Variants in PCDH15 observed in about 807,000 individuals in gnomAD.
PCDH15 encodes the protein protocadherin related 15.
A neutral mutation model predicts 178.5 loss-of-function variants in PCDH15; 129 were observed. The observed-to-expected ratio is 0.72, with a 90% CI of 0.63 to 0.84. The LOEUF (loss-of-function observed/expected upper bound fraction) is 0.84, where lower values mean the gene tolerates loss of function less well. PCDH15 is among the 40% of genes least tolerant of loss of function. The pLI is 0.00. For missense variants in PCDH15, 2,230 were observed against 2,099.9 expected (o/e 1.06, Z -1.21); for synonymous variants, 800 against 732.0 (o/e 1.09, Z -1.50).
chr10:54,921,759 T>A (rs920871401), intron 2 of PCDH15, among the ~76,000 whole-genome samples: 1 of 152,130 alleles, frequency 6.6e-6, no homozygotes, highest in Non-Finnish European at 1.5e-5. Flanking sequence ...AGAACTGGCA[T>A]AAAAAAACTA....
Position 55,548,179 on chromosome 10 carries a change from G to T in PCDH15, c.-156+79446C>A, listed in dbSNP as rs187623462. On this transcript the variant is annotated intron_variant, in intron 2 of 5. Coordinates refer to the PCDH15 transcript ENST00000613346. ...GGTCATCATGGAGCAGAAACGAACT[G>T]CTCCTGCCAAACCCTCTCTAAATGC... Among the ~76,000 whole-genome samples, 96 of 147,740 alleles carry T rather than the reference G, an allele frequency of 6.5e-4. 1 individual carries two copies. Among genetic ancestry groups the T allele is most frequent in the Non-Finnish European group, 1.9e-4 (13 of 67,260 alleles).
At chr10:55,273,580 A>G (rs1046030760) in intron 1 of PCDH15, among the ~76,000 whole-genome samples, 1 of 152,030 alleles carries the variant, frequency 6.6e-6, no homozygotes, top group Non-Finnish European at 1.5e-5. Context: ...TAACATTTCT[A>G]TATATAGATA....
intron 15 of PCDH15, among the ~76,000 whole-genome samples, chr10:54,109,682 A>G (rs1454485506): frequency 6.6e-6 from 1 of 152,220 alleles, no homozygotes; most frequent in Non-Finnish European, 1.5e-5. Context: ...GATGGTTCCC[A>G]AAGGCAGGGA....
chr10:55,505,297 C>T (rs2050317), intron 2 of PCDH15, among the ~76,000 whole-genome samples: 59,861 of 150,934 alleles, frequency 0.4, 12,570 homozygotes, highest in East Asian at 0.81. Flanking sequence ...GTGAAAGTAA[C>T]TATGATCTTA....
At position 54,915,340 on chromosome 10, in the gene PCDH15, A is replaced by G. The variant is rs114881431; in HGVS notation, c.-79-17840T>C. Among the ~76,000 whole-genome samples, 1,080 of 152,336 alleles carry G rather than the reference A, an allele frequency of 7.1e-3. 13 individuals are homozygous for G. The highest frequency in any genetic ancestry group is 0.025 in the African/African-American group (1,035 of 41,580). ...AAGATATTAAGTAAGTGAATATCAG[A>G]TATTAATGATGCTAATATGCCTTAG... is the stretch of plus-strand genomic sequence containing the variant. On this transcript the variant is annotated intron_variant, in intron 2 of 5. Coordinates refer to the PCDH15 transcript ENST00000458638.
chr10:54,392,300 C>G (rs1423552394), intron 3 of PCDH15, among the ~76,000 whole-genome samples: 1 of 149,794 alleles, frequency 6.7e-6, no homozygotes, highest in East Asian at 2.0e-4. Context: ...CCCATCTGTA[C>G]TTAAAATACA....
intron 20 of PCDH15, among the ~76,000 whole-genome samples, chr10:54,019,202 C>T (rs1191136096): frequency 6.6e-6 from 1 of 151,914 alleles, no homozygotes; most frequent in Non-Finnish European, 1.5e-5. Context: ...CTTCCCTTAC[C>T]AAAACAAAAA....
intron 17 of PCDH15, among the ~76,000 whole-genome samples, chr10:54,069,733 G>A (rs2094203892): frequency 6.6e-6 from 1 of 152,080 alleles, no homozygotes; most frequent in South Asian, 2.1e-4. Flanking sequence ...GGTTCAGAAG[G>A]ATGGCAACAA....
chr10:55,047,087 A>C (rs1357849030), intron 2 of PCDH15, among the ~76,000 whole-genome samples: 1 of 151,984 alleles, frequency 6.6e-6, no homozygotes, highest in African/African-American at 2.4e-5. Flanking sequence ...GAAATTGTTT[A>C]GAAAATTACA....
chr10:54,385,344 G>A (rs200059486), intron 3 of PCDH15, among the ~76,000 whole-genome samples: 1 of 152,168 alleles, frequency 6.6e-6, no homozygotes, highest in East Asian at 1.9e-4. Context: ...TGGATGTTAT[G>A]ACAATACTAA....
At chr10:55,162,316 T>G (rs972236082) in intron 2 of PCDH15, among the ~76,000 whole-genome samples, 3 of 152,190 alleles carry the variant, frequency 2.0e-5, no homozygotes, top group Non-Finnish European at 4.4e-5. Flanking sequence ...AATAACTATG[T>G]TTCTTTAACT....
intron 2 of PCDH15, among the ~76,000 whole-genome samples, chr10:54,538,237 A>C (rs980893528): frequency 6.6e-6 from 1 of 152,152 alleles, no homozygotes; most frequent in African/African-American, 2.4e-5. Context: ...TAAGATTCTT[A>C]CAGCTTGAGG....
chr10:54,625,653 G>C (rs1050372467), intron 2 of PCDH15, among the ~76,000 whole-genome samples: 5 of 152,184 alleles, frequency 3.3e-5, no homozygotes, highest in Non-Finnish European at 7.3e-5. Context: ...CAGCCACATG[G>C]AACTGCGAGT....
intron 2 of PCDH15, among the ~76,000 whole-genome samples, chr10:55,536,458 T>A (rs1362436056): frequency 1.3e-5 from 2 of 152,146 alleles, no homozygotes; most frequent in East Asian, 3.9e-4. Context: ...GGTTTTCAAA[T>A]TTCCTCTACT....
chr10:54,264,921 A>G (rs2057572024), intron 8 of PCDH15, among the ~76,000 whole-genome samples: 1 of 152,120 alleles, frequency 6.6e-6, no homozygotes, highest in African/African-American at 2.4e-5. Flanking sequence ...CCCCTTTTAT[A>G]TACTATAAAG....
chr10:54,974,035 C>T lies in PCDH15; in HGVS notation c.-79-76535G>A, dbSNP rs559412139. 1.4e-3 allele frequency among the ~76,000 whole-genome samples: 204 copies of T among 147,082 alleles called. 2 individuals carry two copies. The highest frequency in any genetic ancestry group is 5.0e-3 in the African/African-American group (199 of 39,590). On this transcript the variant is annotated intron_variant, in intron 2 of 5. Transcript: ENST00000458638. ...CTCATACTAGCCCTCTCTCTCTCTC[C>T]TTCCTTCTCTCTCTCTCTCTCTCAC...
At chr10:54,152,900 A>G (rs564767616) in intron 14 of PCDH15, among the ~76,000 whole-genome samples, 200 bp downstream of exon 14, 11 of 152,228 alleles carry the variant, frequency 7.2e-5, no homozygotes, top group Non-Finnish European at 1.2e-4. Context: ...TAAATTTGAA[A>G]TATGCCTCTG....
chr10:54,089,843 C>T (rs2094570945), intron 16 of PCDH15, 141 bp downstream of exon 16: 2 of 678,944 alleles, frequency 2.9e-6, no homozygotes, highest in African/African-American at 3.6e-5. Context: ...AATTATCCTC[C>T]CAGCTACCAT....
chr10:54,543,378 G>A (rs922371091), intron 2 of PCDH15, among the ~76,000 whole-genome samples: 1 of 152,000 alleles, frequency 6.6e-6, no homozygotes, highest in Non-Finnish European at 1.5e-5. Context: ...ATGCCTACTG[G>A]GCCTTCATCC....
Sources: gnomAD v4.1 joint callset for allele counts (sites outside exome capture counted in the v4.1 genomes callset) on GRCh38, gnomAD v4.1.1 for gene constraint, MANE v1.5 for transcripts, NCBI Gene and HGNC (gene_info 2026-07-23, HGNC 2026-07-21) for gene names.